CLRN3: variants seen among roughly 807,000 people sequenced by gnomAD.
The protein encoded by CLRN3 is clarin-3.
A neutral mutation model predicts 16.7 loss-of-function variants in CLRN3; 12 were observed. That is an observed-to-expected ratio of 0.72 (90% confidence interval 0.46 to 1.16). The LOEUF is 1.16. Ranked by LOEUF, CLRN3 falls within the 50% of genes most tolerant of loss-of-function variation. CLRN3 has a pLI of 0.00. For missense variants in CLRN3, 296 were observed against 274.2 expected (o/e 1.08, Z -0.56); for synonymous variants, 118 against 113.0 (o/e 1.04, Z -0.28).
Position 127,892,620 on chromosome 10 carries a change from A to C in CLRN3, c.165T>G (p.Leu55=). ...ATTCTTCACTACTCTCCCCACGAAA[A>C]AGTCCGTAAGTGATGAAAATGCTCC... is the stretch of plus-strand genomic sequence containing the variant. ...SNGSIFITYG[L]FRGESSEELS... is the part of the protein sequence containing the mutation. The change falls in exon 1 of 3, where the codon CTT becomes CTG. Residue 55 remains leucine (L), a synonymous_variant. Coordinates refer to ENST00000368671, the MANE Select transcript of CLRN3 (RefSeq NM_152311.5). The C allele has an allele frequency of 6.2e-7, 1 of 1,613,556 alleles. No homozygotes were observed. The highest frequency in any genetic ancestry group is 8.5e-7 in the Non-Finnish European group (1 of 1,179,498).
In CLRN3 at chr10:127,892,899, A is replaced by G. The variant is rs920774225; in HGVS notation, c.-115T>C. The G allele has an allele frequency of 1.5e-6, 1 of 648,500 alleles. No individual in the cohort carries two copies. Among genetic ancestry groups the G allele is most frequent in the Non-Finnish European group, 2.7e-6 (1 of 371,688 alleles). 40.2% of individuals were successfully genotyped at this position (648,500 alleles called of 1,614,324 possible). On this transcript the variant is annotated 5_prime_UTR_variant, in exon 1 of 3. Coordinates refer to ENST00000368671, the MANE Select transcript of CLRN3 (RefSeq NM_152311.5). ...AAATGGAGTCTAACACTTTATTGTC[A>G]AATATAAAATCTCACTCTTCCTGAG...
At position 127,892,862 on chromosome 10, in the gene CLRN3, T is replaced by A. The variant is rs143493082; in HGVS notation, c.-78A>T. On this transcript the variant is annotated 5_prime_UTR_variant, in exon 1 of 3. Transcript: ENST00000368671. ...CACTTTTGAACCTTATCTTTTGAAG[T>A]CTGGTATTTAGAAATGGAGTCTAAC... 5.3e-3 allele frequency: 4,430 copies of A among 838,930 alleles called. 20 individuals carry two copies. The highest frequency in any genetic ancestry group is 8.4e-3 in the Middle Eastern group (37 of 4,420). The allele number at this position is 838,930 out of a possible 1,614,324, so 52.0% of individuals were successfully genotyped here.
intron 1 of CLRN3, among the ~76,000 whole-genome samples, chr10:127,886,488 C>T (rs1845195674): frequency 6.6e-6 from 1 of 152,006 alleles, no homozygotes; most frequent in Non-Finnish European, 1.5e-5. Context: ...CCTCCTAGAC[C>T]GGGAGGGGGA....
chr10:127,881,814 A>G (rs552378405), intron 2 of CLRN3, among the ~76,000 whole-genome samples: 116 of 152,314 alleles, frequency 7.6e-4, no homozygotes, highest in African/African-American at 2.8e-3. Flanking sequence ...CTTATCTTCA[A>G]GAGGATTGAT....
chr10:127,892,548 T>G lies in CLRN3; in HGVS notation c.229+8A>C. ...CACTATATTCATTCAAATTAGTTTA[T>G]CATTTACCTGCAAACTTTTTCTTTG... On this transcript the variant is annotated splice_region_variant and intron_variant, in intron 1 of 2. Coordinates refer to ENST00000368671, the MANE Select transcript of CLRN3 (RefSeq NM_152311.5). The G allele has an allele frequency of 2.8e-6, 4 of 1,421,046 alleles. No individual in the cohort carries two copies. The highest frequency in any genetic ancestry group is 4.0e-6 in the Non-Finnish European group (4 of 1,003,148). The allele number at this position is 1,421,046 out of a possible 1,614,324, so 88.0% of individuals were successfully genotyped here.
chr10:127,878,182 C>T lies in CLRN3; in HGVS notation c.648G>A (p.Met216Ile), dbSNP rs184300283. The stretch of plus-strand genomic sequence containing the variant: ...AAATTCCGTCCCTTGGAGCATATTC[C>T]ATTGGCTTTCTCTGCTCCTGCTTCC... ...YQRKQEQRKP[M>I]EYAPRDGILF Residue 216 changes from methionine to isoleucine, a missense_variant, in exon 3 of 3, where the codon ATG becomes ATA. Coordinates refer to ENST00000368671, the MANE Select transcript of CLRN3 (RefSeq NM_152311.5). The T allele has an allele frequency of 2.5e-6, 4 of 1,613,846 alleles. No individual in the cohort carries two copies. In the East Asian group the frequency reaches 8.9e-5, roughly 36 times the overall value.
chr10:127,882,667 C>T (rs1784279300), intron 2 of CLRN3, among the ~76,000 whole-genome samples: 1 of 152,200 alleles, frequency 6.6e-6, no homozygotes, highest in African/African-American at 2.4e-5. Flanking sequence ...AATGGAGGGA[C>T]AGGATGATGC....
intron 2 of CLRN3, among the ~76,000 whole-genome samples, chr10:127,882,963 G>A (rs1014945373): frequency 1.6e-4 from 25 of 152,314 alleles, no homozygotes; most frequent in African/African-American, 5.8e-4. Flanking sequence ...CAGATGGGCA[G>A]CTGCAGAGCC....
Position 127,883,745 on chromosome 10 carries a change from G to A in CLRN3, c.360C>T (p.Tyr120=), listed in dbSNP as rs780479072. The A allele has an allele frequency of 6.2e-7, 1 of 1,613,956 alleles. No homozygotes were observed. The highest frequency in any genetic ancestry group is 1.1e-5 in the South Asian group (1 of 91,064). ...CCCCCGTCGGCCCCAGGAATGTCTG[G>A]TAAGGGTTGCTGATGCTGTTGTAGA... is the stretch of plus-strand genomic sequence containing the variant. ...FTFYNSISNP[Y]QTFLGPTGVY... is the part of the protein sequence containing the mutation. The change falls in exon 2 of 3, where the codon TAC becomes TAT. Residue 120 remains tyrosine (Y), a synonymous_variant. Transcript: ENST00000368671.
At chr10:127,888,722 C>T (rs1845225243) in intron 1 of CLRN3, among the ~76,000 whole-genome samples, 1 of 152,120 alleles carries the variant, frequency 6.6e-6, no homozygotes, top group Admixed American at 6.5e-5. Context: ...GCTGAGCTTT[C>T]CCTCAGTCTG....
intron 2 of CLRN3, among the ~76,000 whole-genome samples, chr10:127,879,596 G>A (rs922515174): frequency 1.5e-4 from 23 of 152,144 alleles, no homozygotes; most frequent in Non-Finnish European, 2.9e-4. Flanking sequence ...GGGCTTTCGC[G>A]GTTGCCTAGT....
At chr10:127,888,257 C>T (rs1290674804) in intron 1 of CLRN3, among the ~76,000 whole-genome samples, 1 of 152,200 alleles carries the variant, frequency 6.6e-6, no homozygotes, top group Admixed American at 6.5e-5. Flanking sequence ...GGCCTGGTAG[C>T]TCTCCCAGGG....
chr10:127,884,376 G>A (rs1195157310), intron 1 of CLRN3, among the ~76,000 whole-genome samples: 2 of 152,238 alleles, frequency 1.3e-5, no homozygotes, highest in African/African-American at 4.8e-5. Flanking sequence ...GGTGGCATCA[G>A]CAGAGAAAAG....
At chr10:127,883,253 T>C (rs1285085771) in intron 2 of CLRN3, among the ~76,000 whole-genome samples, 1 of 141,870 alleles carries the variant, frequency 7.0e-6, no homozygotes, top group African/African-American at 2.6e-5. Context: ...GAGAAGGAAG[T>C]GTGTGCTGGT....
intron 2 of CLRN3, among the ~76,000 whole-genome samples, chr10:127,881,121 C>T (rs1591259122): frequency 6.6e-6 from 1 of 152,186 alleles, no homozygotes; most frequent in Non-Finnish European, 1.5e-5. Flanking sequence ...TTCTCCCAGG[C>T]AGGCATCAGA....
chr10:127,885,727 G>A (rs1845185765), intron 1 of CLRN3, among the ~76,000 whole-genome samples: 1 of 152,098 alleles, frequency 6.6e-6, no homozygotes, highest in African/African-American at 2.4e-5. Context: ...ACTACAGGAT[G>A]TGCCACCACG....
At chr10:127,891,772 G>A (rs1824787456) in intron 1 of CLRN3, among the ~76,000 whole-genome samples, 1 of 152,162 alleles carries the variant, frequency 6.6e-6, no homozygotes, top group African/African-American at 2.4e-5. Flanking sequence ...AAAAGGTAAT[G>A]ACTGTATGAT....
chr10:127,880,033 A>C (rs1845109335), intron 2 of CLRN3, among the ~76,000 whole-genome samples: 1 of 152,128 alleles, frequency 6.6e-6, no homozygotes, highest in Non-Finnish European at 1.5e-5. Flanking sequence ...CCTTAATTAG[A>C]GGGGTTTTGT....
chr10:127,886,576 A>G (rs1283104847), intron 1 of CLRN3, among the ~76,000 whole-genome samples: 2 of 152,208 alleles, frequency 1.3e-5, no homozygotes, highest in Non-Finnish European at 2.9e-5. Flanking sequence ...AGGAAAGAAA[A>G]GGGGAGGAGA....
Sources: allele counts gnomAD v4.1 joint callset (sites outside exome capture counted in the v4.1 genomes callset), GRCh38; gene constraint gnomAD v4.1.1; transcripts MANE v1.5; gene names NCBI Gene and HGNC (gene_info 2026-07-23, HGNC 2026-07-21).